MRM1: variants seen among roughly 807,000 people sequenced by gnomAD.
The protein encoded by MRM1 is rRNA methyltransferase 1, mitochondrial.
MRM1 carries 24 observed loss-of-function variants against 25.0 expected under a neutral mutation model. The observed-to-expected ratio is 0.96, with a 90% confidence interval of 0.69 to 1.35. MRM1 has a LOEUF of 1.35. MRM1 is among the 40% of genes most tolerant of loss of function. The probability of loss-of-function intolerance (pLI) is 0.00; values close to 1 mark genes in which losing one functional copy is unlikely to be tolerated. For missense variants in MRM1, 431 were observed against 464.1 expected (o/e 0.93, Z 0.65); for synonymous variants, 188 against 199.2 (o/e 0.94, Z 0.47).
Position 36,601,959 on chromosome 17 carries a change from A to T in MRM1, c.149A>T (p.Glu50Val). The T allele has an allele frequency of 6.2e-7, 1 of 1,612,576 alleles. No homozygotes were observed. The highest frequency in any genetic ancestry group is 1.1e-5 in the South Asian group (1 of 91,050). Residue 50 changes from glutamate to valine, a missense_variant, in exon 1 of 5, where the codon GAG (glutamate) becomes GTG (valine). Coordinates refer to ENST00000614766, the MANE Select transcript of MRM1 (RefSeq NM_024864.5). ...LDDLVPTSRL[E>V]LLFGMTPCLL... ...GACCTGGTGCCGACCTCTCGGCTGGAGCTTCTGTTTGGCATGACCCCGTGT... is the reference window on the plus strand; with the variant it reads ...GACCTGGTGCCGACCTCTCGGCTGGTGCTTCTGTTTGGCATGACCCCGTGT...
the MRM1 span, among the ~76,000 whole-genome samples, chr17:36,621,129 G>T: frequency 6.6e-6 from 1 of 152,152 alleles, no homozygotes; most frequent in African/African-American, 2.4e-5. Context: ...CAGGTGCTCA[G>T]TTAACTGCAC....
intron 2 of MRM1, chr17:36,603,340 A>T: frequency 5.8e-6 from 2 of 344,590 alleles, no homozygotes; most frequent in Non-Finnish European, 8.2e-6. Context: ...GACATTTTAA[A>T]TAAATTGTGT....
At chr17:36,630,387 C>T in the MRM1 span, among the ~76,000 whole-genome samples, 1 of 152,162 alleles carries the variant, frequency 6.6e-6, no homozygotes, top group African/African-American at 2.4e-5. Flanking sequence ...TGCCTTGGAG[C>T]TGGGCCTGAC....
At chr17:36,623,434 C>T in the MRM1 span, among the ~76,000 whole-genome samples, 3 of 152,210 alleles carry the variant, frequency 2.0e-5, no homozygotes, top group Non-Finnish European at 2.9e-5. Context: ...TAGTTATCAG[C>T]AGCAACTAAT....
downstream of MRM1, among the ~76,000 whole-genome samples, chr17:36,612,162 C>T (rs2074980679): frequency 6.6e-6 from 1 of 152,082 alleles, no homozygotes; most frequent in Non-Finnish European, 1.5e-5. Flanking sequence ...TCTAACCTGC[C>T]CTGGACATGC....
the MRM1 span, among the ~76,000 whole-genome samples, chr17:36,618,321 A>G: frequency 1.3e-5 from 2 of 152,204 alleles, no homozygotes; most frequent in Admixed American, 1.3e-4. Context: ...AGCTGGGGAT[A>G]TAGCAGTGAG....
chr17:36,631,608 CT>C, the MRM1 span, among the ~76,000 whole-genome samples: 1 of 152,258 alleles, frequency 6.6e-6, no homozygotes, highest in African/African-American at 2.4e-5. Flanking sequence ...CGGGGCATCC[CT>C]CCTGTCCTGC....
the MRM1 span, among the ~76,000 whole-genome samples, chr17:36,630,743 C>A: frequency 1.3e-5 from 2 of 152,122 alleles, no homozygotes; most frequent in African/African-American, 4.8e-5. Flanking sequence ...TCGCTAGAGA[C>A]ATTCGAGGAG....
At chr17:36,607,194 C>T (rs1178206024) in intron 2 of MRM1, among the ~76,000 whole-genome samples, 1 of 151,954 alleles carries the variant, frequency 6.6e-6, no homozygotes, top group African/African-American at 2.4e-5. Context: ...GGATTACAGG[C>T]GTGAGCCACC....
chr17:36,610,237 C>CTTTTT (rs34382830), downstream of MRM1, among the ~76,000 whole-genome samples: 1 of 139,178 alleles, frequency 7.2e-6, no homozygotes, highest in Non-Finnish European at 1.6e-5. Context: ...GGCCTAAGAT[C>CTTTTT]TTTTTTTTTT....
Position 36,602,315 on chromosome 17 carries a change from C to T in MRM1, c.505C>T (p.Leu169Phe), listed in dbSNP as rs1300825691. Residue 169 changes from leucine (L) to phenylalanine (F), a missense_variant, in exon 1 of 5, where the codon CTC becomes TTC. Leu to Phe is a conservative substitution (Grantham distance 22). Coordinates refer to ENST00000614766, the MANE Select transcript of MRM1 (RefSeq NM_024864.5). The surrounding 1 kb of genome is among the most constrained non-coding windows in gnomAD (Gnocchi z 4.1). ...FGAVLRSAHF[L>F]GVDKVITSRR... ...GGCTGTGCTGCGTTCCGCACACTTC[C>T]TCGGAGTGGATAAGGTCATCACCAG... 2 of 1,584,506 alleles carry T rather than the reference C, an allele frequency of 1.3e-6. No individual in the cohort carries two copies. Among genetic ancestry groups the T allele is most frequent in the Non-Finnish European group, 1.7e-6 (2 of 1,160,878 alleles).
At chr17:36,618,742 C>A in the MRM1 span, among the ~76,000 whole-genome samples, 8 of 152,332 alleles carry the variant, frequency 5.3e-5, no homozygotes, top group African/African-American at 1.9e-4. Context: ...CCAGAGCCAA[C>A]TGACCAGGTC....
chr17:36,607,652 T>C lies in MRM1; in HGVS notation c.637-18T>C, dbSNP rs1176095913. 4 of 1,601,364 alleles carry C rather than the reference T, an allele frequency of 2.5e-6. No homozygotes were observed. The highest frequency in any genetic ancestry group is 3.4e-6 in the Non-Finnish European group (4 of 1,175,378). ...AAAATAAAAAAAGAATTAGAACATA[T>C]CTTCTTCCCCCTTTCAGACCAAAGC... On this transcript the variant is annotated intron_variant, in intron 2 of 4. Coordinates refer to ENST00000614766, the MANE Select transcript of MRM1 (RefSeq NM_024864.5).
chr17:36,602,797 G>A lies in MRM1; in HGVS notation c.636+151G>A. Reference sequence around the variant, plus strand: ...TCCCTCTGGGGATGGAAGGGTCCTGGAGTTTTTAAAACGGCAAATGGAGCA... The same window carrying A: ...TCCCTCTGGGGATGGAAGGGTCCTGAAGTTTTTAAAACGGCAAATGGAGCA... On this transcript the variant is annotated intron_variant, in intron 2 of 4. Coordinates refer to ENST00000614766, the MANE Select transcript of MRM1 (RefSeq NM_024864.5). The surrounding 1 kb of genome is among the most constrained non-coding windows in gnomAD (Gnocchi z 4.1). The A allele has an allele frequency of 8.2e-7, 1 of 1,226,110 alleles. No homozygotes were observed. Among genetic ancestry groups the A allele is most frequent in the South Asian group, 1.5e-5 (1 of 67,984 alleles). The allele number at this position is 1,226,110 out of a possible 1,614,324, so 76.0% of individuals were successfully genotyped here.
At chr17:36,631,775 A>G in the MRM1 span, among the ~76,000 whole-genome samples, 1 of 152,150 alleles carries the variant, frequency 6.6e-6, no homozygotes, top group Non-Finnish European at 1.5e-5. Context: ...GAGTTGCAGC[A>G]TTTCTCCAAA....
the MRM1 span, among the ~76,000 whole-genome samples, chr17:36,630,107 C>T: frequency 6.6e-6 from 1 of 152,196 alleles, no homozygotes; most frequent in African/African-American, 2.4e-5. Flanking sequence ...GAGTTGGGAA[C>T]CTTGAATGAG....
chr17:36,625,379 T>C, the MRM1 span, among the ~76,000 whole-genome samples: 32 of 151,730 alleles, frequency 2.1e-4, no homozygotes, highest in African/African-American at 5.6e-4. Flanking sequence ...TTCTTCTTCC[T>C]CTTCGCTCTT....
chr17:36,615,722 G>A, the MRM1 span, among the ~76,000 whole-genome samples: 3 of 151,772 alleles, frequency 2.0e-5, no homozygotes, highest in South Asian at 2.1e-4. Context: ...TAAGCCAGGC[G>A]TGGTGGCTCA....
the MRM1 span, among the ~76,000 whole-genome samples, chr17:36,627,231 A>G: frequency 6.6e-6 from 1 of 152,208 alleles, no homozygotes; most frequent in Admixed American, 6.5e-5. Context: ...GGGAAAGAAA[A>G]GAGACCTGGG....
Sources: allele counts gnomAD v4.1 joint callset (sites outside exome capture counted in the v4.1 genomes callset), GRCh38; gene constraint gnomAD v4.1.1; non-coding constraint Gnocchi (gnomAD v3.1); transcripts MANE v1.5; gene names NCBI Gene and HGNC (gene_info 2026-07-23, HGNC 2026-07-21).